The following DNM3 variants were observed in gnomAD, a reference collection of about 807,000 sequenced individuals.
DNM3 encodes the protein dynamin-3.
DNM3 carries 47 observed loss-of-function variants against 101.6 expected under a neutral mutation model. The observed-to-expected ratio is 0.46, with a 90% CI of 0.37 to 0.59. The LOEUF (loss-of-function observed/expected upper bound fraction) is 0.59, where lower values mean the gene tolerates loss of function less well. Ranked by LOEUF, DNM3 falls within the 20% of genes least tolerant of loss-of-function variation. DNM3 has a pLI of 0.00. For synonymous variants in DNM3, 385 were observed against 387.9 expected (o/e 0.99, Z 0.09); for missense variants, 849 against 1,085.7 (o/e 0.78, Z 3.06).
At chr1:172,147,198 C>A (rs1191086987) in intron 14 of DNM3, among the ~76,000 whole-genome samples, 1 of 152,140 alleles carries the variant, frequency 6.6e-6, no homozygotes, top group Non-Finnish European at 1.5e-5. Context: ...CTCCTGCCCT[C>A]AAAAAGCTCA....
intron 4 of DNM3, among the ~76,000 whole-genome samples, chr1:171,994,244 TC>T (rs1340994272): frequency 1.3e-5 from 2 of 152,174 alleles, no homozygotes; most frequent in Non-Finnish European, 2.9e-5. Context: ...CTCTCTCCCT[TC>T]CAGTTTTTGT....
intron 13 of DNM3, among the ~76,000 whole-genome samples, chr1:172,124,361 C>T (rs564565478): frequency 2.0e-5 from 3 of 152,180 alleles, no homozygotes; most frequent in Non-Finnish European, 2.9e-5. Context: ...GAAACATGGC[C>T]GTCTATTGCA....
At chr1:171,882,419 GTC>G (rs1246711950) in intron 1 of DNM3, among the ~76,000 whole-genome samples, 5 of 109,998 alleles carry the variant, frequency 4.5e-5, no homozygotes, top group South Asian at 3.4e-4. Context: ...TTTTGTCTCT[GTC>G]TCTCTCTATA....
At chr1:172,136,966 T>C (rs1446070238) in intron 14 of DNM3, 3 of 152,194 alleles carry the variant, frequency 2.0e-5, no homozygotes, top group African/African-American at 7.2e-5. Flanking sequence ...ACTTTATGTT[T>C]TAAGGAAAAA....
intron 13 of DNM3, among the ~76,000 whole-genome samples, chr1:172,126,885 A>C (rs888726849): frequency 3.9e-5 from 6 of 152,136 alleles, no homozygotes; most frequent in Non-Finnish European, 7.4e-5. Flanking sequence ...TTCTGTACTT[A>C]GGTCACCCGG....
intron 14 of DNM3, among the ~76,000 whole-genome samples, chr1:172,218,050 C>A (rs2060768679): frequency 6.6e-6 from 1 of 152,120 alleles, no homozygotes; most frequent in African/African-American, 2.4e-5. Context: ...ATCTGGTTAT[C>A]CGCTATTTAA....
chr1:172,381,376 T>G (rs1222637301), intron 18 of DNM3, among the ~76,000 whole-genome samples: 5 of 152,042 alleles, frequency 3.3e-5, no homozygotes, highest in Non-Finnish European at 7.4e-5. Flanking sequence ...TGGCTTTGTT[T>G]GAAATTTAAC....
chr1:172,228,884 A>T (rs763872819), intron 14 of DNM3, among the ~76,000 whole-genome samples: 2 of 152,128 alleles, frequency 1.3e-5, no homozygotes, highest in Non-Finnish European at 2.9e-5. Flanking sequence ...AGTTGAGTCT[A>T]AAGTGTGAAA....
intron 1 of DNM3, among the ~76,000 whole-genome samples, chr1:171,908,606 T>A (rs6425478): frequency 0.59 from 89,130 of 151,862 alleles, 26,320 homozygotes; most frequent in East Asian, 0.68. Context: ...CAGTGAAGAA[T>A]AATATTCAAT....
chr1:172,057,436 G>A (rs1243405598), intron 10 of DNM3, among the ~76,000 whole-genome samples: 1 of 152,168 alleles, frequency 6.6e-6, no homozygotes, highest in East Asian at 1.9e-4. Flanking sequence ...GTTAAGGGCA[G>A]CCAGAGAGAA....
chr1:172,313,323 G>C (rs945680407), intron 16 of DNM3, among the ~76,000 whole-genome samples: 2 of 152,136 alleles, frequency 1.3e-5, no homozygotes, highest in African/African-American at 4.8e-5. Context: ...AAGAGGCTAT[G>C]ATTAGACAAC....
intron 4 of DNM3, among the ~76,000 whole-genome samples, chr1:172,021,455 C>G: frequency 6.6e-6 from 1 of 151,772 alleles, no homozygotes; most frequent in East Asian, 1.9e-4. Flanking sequence ...AACTCTGTCT[C>G]TAAAAAAACA....
intron 1 of DNM3, among the ~76,000 whole-genome samples, chr1:171,871,012 G>T (rs546893504): frequency 1.1e-4 from 16 of 152,158 alleles, no homozygotes; most frequent in Non-Finnish European, 1.9e-4. Flanking sequence ...TTGGGCAGAG[G>T]GTTGACTAAA....
chr1:172,095,130 C>A (rs1241773966), intron 13 of DNM3, among the ~76,000 whole-genome samples: 1 of 152,150 alleles, frequency 6.6e-6, no homozygotes. Flanking sequence ...ATATAGATTC[C>A]TTATCCAAAA....
At chr1:171,899,331 T>A (rs1363914484) in intron 1 of DNM3, among the ~76,000 whole-genome samples, 1 of 152,238 alleles carries the variant, frequency 6.6e-6, no homozygotes, top group Non-Finnish European at 1.5e-5. Context: ...TTTGGTTTCT[T>A]TCAAATGTGG....
intron 14 of DNM3, among the ~76,000 whole-genome samples, chr1:172,156,626 T>A (rs1196829345): frequency 6.6e-6 from 1 of 152,078 alleles, no homozygotes; most frequent in African/African-American, 2.4e-5. Context: ...CTCCTCCTCC[T>A]CCTGTTTTTT....
intron 2 of DNM3, among the ~76,000 whole-genome samples, chr1:171,967,686 T>A (rs952305166): frequency 6.6e-6 from 1 of 152,186 alleles, no homozygotes; most frequent in Non-Finnish European, 1.5e-5. Flanking sequence ...CCAGACAGAC[T>A]TTTCATCTGT....
chr1:172,124,951 C>T (rs1197646604), intron 13 of DNM3, among the ~76,000 whole-genome samples: 1 of 152,182 alleles, frequency 6.6e-6, no homozygotes, highest in Non-Finnish European at 1.5e-5. Flanking sequence ...TAGCCAAATT[C>T]AAGGACAAGT....
chr1:171,852,726 A>G (rs1351919579), intron 1 of DNM3, among the ~76,000 whole-genome samples: 1 of 152,228 alleles, frequency 6.6e-6, no homozygotes, highest in South Asian at 2.1e-4. Context: ...AACGTAGAGG[A>G]GACTGTTCAA....
Sources: allele counts gnomAD v4.1 joint callset (sites outside exome capture counted in the v4.1 genomes callset), GRCh38; gene constraint gnomAD v4.1.1; transcripts MANE v1.5; gene names NCBI Gene and HGNC (gene_info 2026-07-23, HGNC 2026-07-21).